Variants in GRK4 observed in about 807,000 individuals in gnomAD.
The protein encoded by GRK4 is G protein-coupled receptor kinase 2-like.
A neutral mutation model predicts 77.9 loss-of-function variants in GRK4; 73 were observed. The observed-to-expected ratio is 0.94, with a 90% CI of 0.78 to 1.14. The LOEUF (loss-of-function observed/expected upper bound fraction) is 1.14, where lower values mean the gene tolerates loss of function less well. GRK4 is among the 50% of genes most tolerant of loss of function. GRK4 has a pLI of 0.00. For missense variants in GRK4, 729 were observed against 700.2 expected, an observed-to-expected ratio of 1.04 and a Z score of -0.46; for synonymous variants, 257 against 254.4, an observed-to-expected ratio of 1.01 and a Z score of -0.10.
At chr4:2,979,517 C>T (rs1176862990) in intron 1 of GRK4, among the ~76,000 whole-genome samples, 1 of 152,054 alleles carries the variant, frequency 6.6e-6, no homozygotes, top group African/African-American at 2.4e-5. Context: ...AGTTCGAGAC[C>T]AGCCTGACCA....
intron 8 of GRK4, 82 bp from the exon 9 acceptor site, chr4:3,019,559 T>G (rs1009865198): frequency 8.8e-7 from 1 of 1,134,124 alleles, no homozygotes; most frequent in Non-Finnish European, 1.3e-6. Context: ...ACACAGATTA[T>G]TTGCATATTA....
At chr4:2,977,179 T>C (rs1721469887) in intron 1 of GRK4, among the ~76,000 whole-genome samples, 2 of 152,218 alleles carry the variant, frequency 1.3e-5, no homozygotes, top group African/African-American at 2.4e-5. Context: ...TTTTTTTTAT[T>C]GCTGCTTACA....
intron 12 of GRK4, among the ~76,000 whole-genome samples, chr4:3,030,530 C>T (rs1327086489): frequency 2.0e-5 from 3 of 152,120 alleles, no homozygotes; most frequent in South Asian, 4.1e-4. Flanking sequence ...CAGAAGTCCC[C>T]GCCCTGCCAG....
intron 10 of GRK4, among the ~76,000 whole-genome samples, chr4:3,027,143 G>A (rs976754553): frequency 2.6e-5 from 4 of 152,164 alleles, no homozygotes; most frequent in South Asian, 2.1e-4. Context: ...GGGCTTAAGC[G>A]ATCCTCCTGC....
At chr4:2,965,537 C>T (rs775096832) in intron 1 of GRK4, 33 of 689,218 alleles carry the variant, frequency 4.8e-5, no homozygotes, top group Non-Finnish European at 7.7e-5. Context: ...CAGCAGCCGG[C>T]GATGCATATT....
In GRK4 at chr4:3,040,654, C is replaced by T; in HGVS notation, c.*29C>T. ...CCCCGGTGCGGACCACAGAGCAGAC[C>T]CTGGCGCCAGGAAGGAGCATGTGTT... On this transcript the variant is annotated 3_prime_UTR_variant, in exon 16 of 16. Transcript: ENST00000398052. 1 of 1,598,066 alleles carries T rather than the reference C, an allele frequency of 6.3e-7. No homozygotes were observed. The highest frequency in any genetic ancestry group is 8.5e-7 in the Non-Finnish European group (1 of 1,170,318).
chr4:2,983,548 C>T (rs1346486876), intron 1 of GRK4, among the ~76,000 whole-genome samples: 1 of 152,248 alleles, frequency 6.6e-6, no homozygotes, highest in African/African-American at 2.4e-5. Context: ...CTCTGCCACT[C>T]ACATCCTTCA....
intron 1 of GRK4, among the ~76,000 whole-genome samples, chr4:2,982,544 C>T (rs1723147857): frequency 6.6e-6 from 1 of 152,230 alleles, no homozygotes; most frequent in African/African-American, 2.4e-5. Flanking sequence ...TAAGCCATGT[C>T]TCAGGGCACT....
Position 3,038,428 on chromosome 4 carries a change from C to A in GRK4, c.1598C>A (p.Ala533Asp). The A allele has an allele frequency of 6.2e-7, 1 of 1,614,140 alleles. No individual in the cohort carries two copies. Among genetic ancestry groups the A allele is most frequent in the Non-Finnish European group, 8.5e-7 (1 of 1,180,002 alleles). Residue 533 changes from alanine (A) to aspartate (D), a missense_variant, in exon 15 of 16, where the codon GCT becomes GAT. Physicochemically the swap from Ala to Asp is moderately radical, Grantham distance 126 (BLOSUM62 -2). Transcript: ENST00000398052. ...KDINKSESEE[A>D]LPLDLDKNIH... ...ATCAACAAAAGTGAAAGTGAGGAAG[C>A]TTTGCCATTAGATCTAGACAAGAAC...
rs33988983 is a variant in GRK4 at position 3,009,421 on chromosome 4, C to CA, written c.537-206dup. 4.9e-3 allele frequency among the ~76,000 whole-genome samples: 420 copies of CA among 86,392 alleles called. 5 individuals are homozygous for CA. Among genetic ancestry groups the CA allele is most frequent in the East Asian group, 0.011 (25 of 2,228 alleles). 56.7% of individuals were successfully genotyped at this position (86,392 alleles called of 152,430 possible). ...CTGGCGACAGAGTGAGACTCCATCT[C>CA]AAAAAAAAAAAAAAAAAAAAAGATG... On this transcript the variant is annotated intron_variant, in intron 6 of 15. Transcript: ENST00000398052.
chr4:2,971,168 T>C (rs1209391437), intron 1 of GRK4: 1 of 152,228 alleles, frequency 6.6e-6, no homozygotes, highest in African/African-American at 2.4e-5. Flanking sequence ...TATTAACATT[T>C]ATGTCATGGT....
rs16843684 is a variant in GRK4 at position 2,963,949 on chromosome 4, C to G, written c.-122C>G. 18 of 920,372 alleles carry G rather than the reference C, an allele frequency of 2.0e-5. No individual in the cohort carries two copies. The highest frequency in any genetic ancestry group is 2.2e-4 in the Middle Eastern group (1 of 4,600). 57.0% of individuals were successfully genotyped at this position (920,372 alleles called of 1,614,324 possible). ...CGGAGCAGCCTCCCGGGATCGTGTC[C>G]GGAGCTCGAGGAGAGGGTGGTGCCC... On this transcript the variant is annotated 5_prime_UTR_variant, in exon 1 of 16. Transcript: ENST00000398052.
chr4:2,989,409 C>CT (rs974803665), intron 3 of GRK4, among the ~76,000 whole-genome samples: 1 of 152,028 alleles, frequency 6.6e-6, no homozygotes, highest in East Asian at 1.9e-4. Flanking sequence ...GATGATAATG[C>CT]TTTTTTTATT....
chr4:2,996,992 G>A (rs1728145357), intron 4 of GRK4, among the ~76,000 whole-genome samples: 1 of 152,180 alleles, frequency 6.6e-6, no homozygotes, highest in Non-Finnish European at 1.5e-5. Flanking sequence ...GGCCAAGACA[G>A]GAGGCTCTCT....
At chr4:2,978,417 G>A (rs1343269188) in intron 1 of GRK4, among the ~76,000 whole-genome samples, 1 of 152,228 alleles carries the variant, frequency 6.6e-6, no homozygotes, top group East Asian at 1.9e-4. Flanking sequence ...AGTAAGCAAA[G>A]AGGATTATAA....
chr4:3,035,627 T>C (rs1196945512), intron 13 of GRK4, 104 bp downstream of exon 13: 2 of 1,330,016 alleles, frequency 1.5e-6, no homozygotes, highest in Non-Finnish European at 2.0e-6. Flanking sequence ...TCTCACTGTG[T>C]TGCCCAGGCT....
chr4:2,990,315 G>A (rs1725769512), intron 3 of GRK4, among the ~76,000 whole-genome samples: 1 of 138,500 alleles, frequency 7.2e-6, no homozygotes, highest in African/African-American at 2.7e-5. Flanking sequence ...GGAGTGCTAT[G>A]GCGTGATCCC....
intron 1 of GRK4, among the ~76,000 whole-genome samples, chr4:2,981,027 C>T (rs969864910): frequency 1.3e-5 from 2 of 152,236 alleles, no homozygotes; most frequent in Non-Finnish European, 2.9e-5. Flanking sequence ...GCGCTGGTTA[C>T]CTGCTGTGGC....
chr4:2,975,694 T>C (rs1467779640), intron 1 of GRK4, among the ~76,000 whole-genome samples: 2 of 152,196 alleles, frequency 1.3e-5, no homozygotes, highest in African/African-American at 4.8e-5. Context: ...GACCCACTTC[T>C]ACGGATTTAA....
Sources: allele counts gnomAD v4.1 joint callset (sites outside exome capture counted in the v4.1 genomes callset), GRCh38; gene constraint gnomAD v4.1.1; transcripts MANE v1.5; gene names NCBI Gene and HGNC (gene_info 2026-07-23, HGNC 2026-07-21).